The following DPP10 variants were observed in gnomAD, a reference collection of about 807,000 sequenced individuals.
DPP10 encodes dipeptidyl peptidase like 10, also known as inactive dipeptidyl peptidase 10.
In DPP10, 33 loss-of-function variants were observed where a neutral mutation model predicts 120.9. The observed-to-expected ratio is 0.27, with a 90% CI of 0.21 to 0.37. DPP10 has a LOEUF of 0.37. DPP10 is among the 10% of genes least tolerant of loss of function. DPP10 has a pLI of 1.00. For missense variants in DPP10, 816 were observed against 942.8 expected (o/e 0.87, Z 1.76); for synonymous variants, 337 against 326.1 (o/e 1.03, Z -0.36).
At chr2:115,816,672 A>G (rs1205326033) in intron 21 of DPP10, among the ~76,000 whole-genome samples, 1 of 142,358 alleles carries the variant, frequency 7.0e-6, no homozygotes, top group African/African-American at 2.6e-5. Context: ...GCTGGAGTGC[A>G]GTGGCGCGAT....
At position 115,695,042 on chromosome 2, in the gene DPP10, G is replaced by A. The variant is rs1397575328; in HGVS notation, c.576+5121G>A. Among the ~76,000 whole-genome samples, 2 of 152,184 alleles carry A rather than the reference G, an allele frequency of 1.3e-5. 1 individual carries two copies. The highest frequency in any genetic ancestry group is 3.9e-4 in the East Asian group (2 of 5,180). On this transcript the variant is annotated intron_variant, in intron 7 of 25. Coordinates refer to ENST00000410059, the MANE Select transcript of DPP10 (RefSeq NM_020868.6). ...ACAAGCTCCTCTCCCTCCAGCTGAA[G>A]TGAATTCTAAGGTGGTTAAAAGGCC...
chr2:114,498,654 G>A (rs1285594760), intron 1 of DPP10, among the ~76,000 whole-genome samples: 1 of 152,034 alleles, frequency 6.6e-6, no homozygotes, highest in African/African-American at 2.4e-5. Context: ...GAGGAAATTG[G>A]GCCAAACTAA....
chr2:115,432,447 T>C (rs1408472779), intron 3 of DPP10, among the ~76,000 whole-genome samples: 3 of 152,048 alleles, frequency 2.0e-5, no homozygotes, highest in Non-Finnish European at 4.4e-5. Flanking sequence ...TGAGGGACTT[T>C]AGGAAAGCCA....
intron 1 of DPP10, among the ~76,000 whole-genome samples, chr2:114,632,299 C>A (rs941027414): frequency 1.3e-5 from 2 of 151,806 alleles, no homozygotes; most frequent in Admixed American, 6.6e-5. Context: ...ACTCTGCTCC[C>A]GAACCATTTC....
chr2:115,768,254 C>T (rs746940176), intron 12 of DPP10, 43 bp from the exon 13 acceptor site: 1 of 1,549,908 alleles, frequency 6.5e-7, no homozygotes, highest in East Asian at 2.2e-5. Context: ...GCACAGATTG[C>T]ATGTGCCTTT....
intron 21 of DPP10, among the ~76,000 whole-genome samples, chr2:115,828,759 G>A (rs72830510): frequency 0.087 from 13,191 of 151,890 alleles, 627 homozygotes; most frequent in South Asian, 0.14. Context: ...ATTTCATGTG[G>A]GAGGATAAAT....
At chr2:115,820,682 G>T (rs1372928507) in intron 21 of DPP10, among the ~76,000 whole-genome samples, 7 of 151,974 alleles carry the variant, frequency 4.6e-5, no homozygotes, top group Non-Finnish European at 1.0e-4. Context: ...AATATATTAT[G>T]TTTGGTTTTC....
intron 1 of DPP10, among the ~76,000 whole-genome samples, chr2:114,866,763 C>T (rs576577079): frequency 1.3e-5 from 2 of 152,252 alleles, no homozygotes; most frequent in Admixed American, 6.5e-5. Context: ...ATTTAGTAGC[C>T]TGTAACCTAA....
intron 1 of DPP10, among the ~76,000 whole-genome samples, chr2:114,882,005 G>A (rs1691683451): frequency 6.6e-6 from 1 of 152,092 alleles, no homozygotes; most frequent in South Asian, 2.1e-4. Context: ...CCTGCAACAA[G>A]TATGTAAGTA....
intron 1 of DPP10, among the ~76,000 whole-genome samples, chr2:114,770,515 T>C (rs1681155199): frequency 6.6e-6 from 1 of 152,024 alleles, no homozygotes; most frequent in Non-Finnish European, 1.5e-5. Flanking sequence ...TTTTGCAAAA[T>C]AAAAATAGCA....
chr2:115,586,135 C>A (rs535628997), intron 5 of DPP10, among the ~76,000 whole-genome samples: 57 of 152,160 alleles, frequency 3.7e-4, no homozygotes, highest in African/African-American at 1.3e-3. Context: ...CCAGCCTGAT[C>A]AACATGGCGA....
At chr2:115,653,254 A>G (rs75117615) in intron 5 of DPP10, among the ~76,000 whole-genome samples, 1,669 of 152,104 alleles carry the variant, frequency 0.011, 25 homozygotes, top group African/African-American at 0.038. Context: ...GTAAAATCAG[A>G]CAAATAGACA....
intron 1 of DPP10, among the ~76,000 whole-genome samples, chr2:114,980,002 A>G (rs1699985566): frequency 6.6e-6 from 1 of 152,072 alleles, no homozygotes; most frequent in Admixed American, 6.5e-5. Flanking sequence ...TTGAGTGTTA[A>G]GTCTCTATTA....
At chr2:114,769,057 ATC>A (rs1179501392) in intron 1 of DPP10, among the ~76,000 whole-genome samples, 5 of 152,158 alleles carry the variant, frequency 3.3e-5, no homozygotes. Context: ...TAGTAGGGTC[ATC>A]TCTCTGCTTG....
chr2:115,757,696 A>G (rs1269571361), intron 11 of DPP10, among the ~76,000 whole-genome samples: 1 of 152,112 alleles, frequency 6.6e-6, no homozygotes, highest in Non-Finnish European at 1.5e-5. Context: ...CTCCAGCAAT[A>G]TAAATAGAGG....
chr2:115,788,883 G>C (rs557989998), intron 17 of DPP10, among the ~76,000 whole-genome samples: 3 of 152,106 alleles, frequency 2.0e-5, no homozygotes, highest in Non-Finnish European at 2.9e-5. Context: ...TTGGGAGGCC[G>C]AGGCGGGTGG....
At chr2:115,115,488 A>G (rs577778309) in intron 1 of DPP10, among the ~76,000 whole-genome samples, 2 of 152,256 alleles carry the variant, frequency 1.3e-5, no homozygotes, top group African/African-American at 4.8e-5. Flanking sequence ...ATCTCTTTCA[A>G]CCATGCATTC....
chr2:115,533,690 C>A (rs958524672), intron 5 of DPP10, among the ~76,000 whole-genome samples: 1 of 151,952 alleles, frequency 6.6e-6, no homozygotes, highest in African/African-American at 2.4e-5. Flanking sequence ...ATTCGGGGTT[C>A]ACTAATATTT....
intron 1 of DPP10, among the ~76,000 whole-genome samples, chr2:114,767,207 C>CAA (rs5833559): frequency 2.8e-3 from 93 of 33,052 alleles, no homozygotes; most frequent in Middle Eastern, 0.045. Context: ...AGGATAAAAG[C>CAA]AAAAAAAAAA....
Sources: gnomAD v4.1 joint callset for allele counts (sites outside exome capture counted in the v4.1 genomes callset) on GRCh38, gnomAD v4.1.1 for gene constraint, MANE v1.5 for transcripts, NCBI Gene and HGNC (gene_info 2026-07-23, HGNC 2026-07-21) for gene names.